The following TDRD5 variants were observed in gnomAD, a reference collection of about 807,000 sequenced individuals.
The protein encoded by TDRD5 is tudor domain-containing protein 5.
Under a neutral mutation model 120.6 loss-of-function variants are expected in TDRD5, and 41 were observed. The observed-to-expected ratio is 0.34, with a 90% CI of 0.26 to 0.44. TDRD5 has a LOEUF of 0.44. TDRD5 is among the 20% of genes least tolerant of loss of function. TDRD5 has a pLI of 1.00. For synonymous variants in TDRD5, 430 were observed against 433.7 expected (o/e 0.99, Z 0.11); for missense variants, 1,006 against 1,221.2 (o/e 0.82, Z 2.63).
intron 14 of TDRD5, among the ~76,000 whole-genome samples, chr1:179,657,025 C>T (rs1028984592): frequency 2.0e-5 from 3 of 152,124 alleles, no homozygotes; most frequent in Non-Finnish European, 4.4e-5. Flanking sequence ...CCATTGCACT[C>T]CAGCCTGGAC....
intron 14 of TDRD5, among the ~76,000 whole-genome samples, chr1:179,655,173 T>A (rs1678932668): frequency 6.6e-6 from 1 of 152,170 alleles, no homozygotes; most frequent in Non-Finnish European, 1.5e-5. Context: ...ATTTCCTGAT[T>A]TTTCAGTTTT....
In TDRD5 at chr1:179,638,435, G is replaced by C. The variant is rs1471595302; in HGVS notation, c.1521-1404G>C. On this transcript the variant is annotated intron_variant, in intron 9 of 17. Coordinates refer to ENST00000444136, the MANE Select transcript of TDRD5 (RefSeq NM_001199085.3). ...CCTGTAGTGTCTCTAAGTTGACCAT[G>C]AGAGTCACTGGCAATGTTGACTAGA... Among the ~76,000 whole-genome samples the C allele has an allele frequency of 1.6e-5, 2 of 128,682 alleles. 1 individual carries two copies. The highest frequency in any genetic ancestry group is 1.7e-4 in the Admixed American group (2 of 11,766). The allele number at this position is 128,682 out of a possible 152,430, so 84.4% of individuals were successfully genotyped here.
intron 4 of TDRD5, among the ~76,000 whole-genome samples, chr1:179,607,463 A>G (rs1676038333): frequency 2.0e-5 from 3 of 152,090 alleles, no homozygotes; most frequent in African/African-American, 7.2e-5. Flanking sequence ...AGATGTTGCA[A>G]AGCAGTGGGA....
rs1404820854 is a variant in TDRD5, at chr1:179,690,717, T to TAAAG, written c.2885_2888dup (p.Asn963LysfsTer3). Reference sequence around the variant, plus strand: ...CCAGTGGAAAGCTCACCAGAGATCCTAAAGAATGAAGATTTTTCTAGCAGC... The same window carrying TAAAG: ...CCAGTGGAAAGCTCACCAGAGATCCTAAAGAAAGAATGAAGATTTTTCTAGCAGC... On this transcript the variant is annotated frameshift_variant, in exon 18 of 18. Coordinates refer to ENST00000444136, the MANE Select transcript of TDRD5 (RefSeq NM_001199085.3). LOFTEE classifies it high-confidence loss of function. 6.2e-7 allele frequency: 1 copy of TAAAG among 1,613,850 alleles called. No homozygotes were observed. Among genetic ancestry groups the TAAAG allele is most frequent in the Non-Finnish European group, 8.5e-7 (1 of 1,179,910 alleles).
intron 17 of TDRD5, among the ~76,000 whole-genome samples, chr1:179,672,999 C>T (rs944977791): frequency 7.2e-5 from 11 of 151,976 alleles, no homozygotes; most frequent in African/African-American, 2.2e-4. Flanking sequence ...GTAACTATGG[C>T]CTTATAGTAT....
intron 17 of TDRD5, 121 bp from the exon 18 acceptor site, chr1:179,690,575 A>G: frequency 7.3e-7 from 1 of 1,373,428 alleles, no homozygotes; most frequent in South Asian, 1.5e-5. Flanking sequence ...GCCATTGGTA[A>G]TTGTCGCTAC....
intron 4 of TDRD5, among the ~76,000 whole-genome samples, chr1:179,597,532 A>T (rs1449162244): frequency 6.6e-6 from 1 of 151,714 alleles, no homozygotes; most frequent in Non-Finnish European, 1.5e-5. Flanking sequence ...GGGTTTCACC[A>T]TGTTGGTCAG....
At chr1:179,627,084 A>G (rs1164206419) in intron 6 of TDRD5, among the ~76,000 whole-genome samples, 8 of 152,228 alleles carry the variant, frequency 5.3e-5, no homozygotes, top group African/African-American at 1.9e-4. Flanking sequence ...TTTCACAGCA[A>G]TGTTTTAAGC....
rs1339224748 is a variant in TDRD5, at chr1:179,623,195, A to G, written c.972+2104A>G. ...ACATTTTCAGGTAATCAGAATTGGA[A>G]GCAGACTGGTACTATAAGAATGCTA... is the stretch of plus-strand genomic sequence containing the variant. On this transcript the variant is annotated intron_variant, in intron 6 of 17. Coordinates refer to ENST00000444136, the MANE Select transcript of TDRD5 (RefSeq NM_001199085.3). 6.6e-5 allele frequency among the ~76,000 whole-genome samples: 10 copies of G among 152,324 alleles called. No homozygotes were observed. The South Asian group carries it at 1.4e-3, about 22-fold the overall frequency.
chr1:179,650,400 CAA>C (rs35053562), intron 11 of TDRD5, among the ~76,000 whole-genome samples: 12,164 of 90,808 alleles, frequency 0.13, 511 homozygotes, highest in African/African-American at 0.21. Flanking sequence ...GACTCTGTCT[CAA>C]AAAAAAAAAA....
chr1:179,654,417 C>G, intron 14 of TDRD5, 55 bp downstream of exon 14: 4 of 1,434,232 alleles, frequency 2.8e-6, no homozygotes, highest in Non-Finnish European at 2.8e-6. Flanking sequence ...ACACTGAATT[C>G]ATAAGTGAAG....
At chr1:179,667,635 T>C in intron 16 of TDRD5, among the ~76,000 whole-genome samples, 1 of 152,254 alleles carries the variant, frequency 6.6e-6, no homozygotes, top group Non-Finnish European at 1.5e-5. Context: ...CAGCCTCATT[T>C]TAAGTGAAGA....
At chr1:179,617,812 T>C (rs1428819788) in intron 4 of TDRD5, among the ~76,000 whole-genome samples, 1 of 152,126 alleles carries the variant, frequency 6.6e-6, no homozygotes, top group Non-Finnish European at 1.5e-5. Flanking sequence ...CCATGCATGA[T>C]CATTTTATTT....
chr1:179,629,979 A>G (rs1318731108), intron 6 of TDRD5, among the ~76,000 whole-genome samples: 4 of 145,274 alleles, frequency 2.8e-5, no homozygotes, highest in Non-Finnish European at 6.0e-5. Context: ...ATTTATTCCA[A>G]CTTTTTTTTT....
chr1:179,653,177 C>T (rs1010941926), intron 13 of TDRD5, among the ~76,000 whole-genome samples: 1 of 152,088 alleles, frequency 6.6e-6, no homozygotes, highest in African/African-American at 2.4e-5. Context: ...AGATACTGGG[C>T]TAAGAATACA....
intron 7 of TDRD5, among the ~76,000 whole-genome samples, chr1:179,631,906 T>A (rs1677476216): frequency 6.7e-6 from 1 of 149,166 alleles, no homozygotes; most frequent in Admixed American, 6.7e-5. Flanking sequence ...ACCTTCTTTT[T>A]CTTTTCTTTT....
At chr1:179,603,975 T>G (rs1675843671) in intron 4 of TDRD5, among the ~76,000 whole-genome samples, 1 of 152,188 alleles carries the variant, frequency 6.6e-6, no homozygotes, top group Admixed American at 6.5e-5. Context: ...TTTGAATGTC[T>G]ATTAGAATTC....
intron 4 of TDRD5, among the ~76,000 whole-genome samples, chr1:179,611,985 C>G (rs1002030406): frequency 4.6e-5 from 7 of 152,134 alleles, no homozygotes; most frequent in African/African-American, 1.7e-4. Context: ...TCACATAATC[C>G]TATTTACAAA....
chr1:179,664,379 A>C (rs927207670), intron 16 of TDRD5, among the ~76,000 whole-genome samples: 6 of 152,248 alleles, frequency 3.9e-5, no homozygotes, highest in Admixed American at 3.3e-4. Flanking sequence ...TTTAGGATAC[A>C]CAGCTGTGCA....
Sources: gnomAD v4.1 joint callset for allele counts (sites outside exome capture counted in the v4.1 genomes callset) on GRCh38, gnomAD v4.1.1 for gene constraint, MANE v1.5 for transcripts, NCBI Gene and HGNC (gene_info 2026-07-23, HGNC 2026-07-21) for gene names.